Variants in DPP10 observed in about 807,000 individuals in gnomAD.
The protein encoded by DPP10 is inactive dipeptidyl peptidase 10.
A neutral mutation model predicts 120.9 loss-of-function variants in DPP10; 33 were observed. The ratio of observed to expected loss-of-function variants is 0.27; its 90% CI spans 0.21 to 0.37. The LOEUF (loss-of-function observed/expected upper bound fraction) is 0.37, where lower values mean the gene tolerates loss of function less well. Ranked by LOEUF, DPP10 falls within the 10% of genes least tolerant of loss-of-function variation. The pLI, the probability that DPP10 is intolerant of heterozygous loss-of-function variation, is 1.00. For missense variants in DPP10, 816 were observed against 942.8 expected (o/e 0.87, Z 1.76); for synonymous variants, 337 against 326.1 (o/e 1.03, Z -0.36).
intron 1 of DPP10, among the ~76,000 whole-genome samples, chr2:115,122,790 C>T (rs1194591261): frequency 1.3e-5 from 2 of 152,194 alleles, no homozygotes; most frequent in African/African-American, 4.8e-5. Flanking sequence ...AGCCCTACCA[C>T]TCTCAGGAGC....
intron 1 of DPP10, among the ~76,000 whole-genome samples, chr2:115,106,487 T>A (rs1362231073): frequency 1.3e-5 from 2 of 152,142 alleles, no homozygotes; most frequent in Non-Finnish European, 2.9e-5. Context: ...GAGACAGGGG[T>A]CATGCTTCGT....
At chr2:114,626,207 C>T (rs1694499886) in intron 1 of DPP10, among the ~76,000 whole-genome samples, 1 of 151,636 alleles carries the variant, frequency 6.6e-6, no homozygotes, top group African/African-American at 2.4e-5. Flanking sequence ...ATTACCACCA[C>T]CAATATAATT....
intron 1 of DPP10, among the ~76,000 whole-genome samples, chr2:115,065,850 A>G (rs778350477): frequency 1.2e-4 from 18 of 152,176 alleles, no homozygotes; most frequent in Non-Finnish European, 2.5e-4. Flanking sequence ...TGAAACACGC[A>G]TGCCAAAAGA....
intron 2 of DPP10, among the ~76,000 whole-genome samples, chr2:115,332,311 C>G (rs1574456477): frequency 6.6e-6 from 1 of 152,028 alleles, no homozygotes; most frequent in Non-Finnish European, 1.5e-5. Flanking sequence ...TTATTCTTCT[C>G]TCTTTACTTC....
chr2:115,409,517 A>T (rs2068781285), intron 3 of DPP10, among the ~76,000 whole-genome samples: 2 of 152,198 alleles, frequency 1.3e-5, no homozygotes, highest in South Asian at 2.1e-4. Context: ...AATAATAGAC[A>T]TTGGCATAGA....
intron 7 of DPP10, among the ~76,000 whole-genome samples, chr2:115,696,230 C>A (rs1026151195): frequency 2.6e-5 from 4 of 152,048 alleles, no homozygotes; most frequent in African/African-American, 4.8e-5. Context: ...TGATGAAAAT[C>A]ATTAGTATAA....
chr2:115,406,402 A>G (rs2068511016), intron 3 of DPP10, among the ~76,000 whole-genome samples: 1 of 152,162 alleles, frequency 6.6e-6, no homozygotes, highest in Non-Finnish European at 1.5e-5. Flanking sequence ...CCCTCATTAT[A>G]TTATCCTTAA....
chr2:115,559,436 G>T (rs997134310), intron 5 of DPP10, among the ~76,000 whole-genome samples: 1 of 152,046 alleles, frequency 6.6e-6, no homozygotes, highest in African/African-American at 2.4e-5. Context: ...AACAACAGTA[G>T]CTTTCTTAGT....
chr2:114,497,096 T>C (rs917811214), intron 1 of DPP10, among the ~76,000 whole-genome samples: 1 of 148,996 alleles, frequency 6.7e-6, no homozygotes, highest in African/African-American at 2.5e-5. Context: ...TACATGTACA[T>C]GTGTACATGT....
intron 1 of DPP10, among the ~76,000 whole-genome samples, chr2:115,099,059 C>T (rs1288381222): frequency 1.4e-5 from 2 of 147,502 alleles, no homozygotes; most frequent in African/African-American, 2.5e-5. Flanking sequence ...CCAAGGCGGG[C>T]GGATCACTTG....
At chr2:115,132,858 G>A (rs1484324573) in intron 1 of DPP10, among the ~76,000 whole-genome samples, 1 of 151,954 alleles carries the variant, frequency 6.6e-6, no homozygotes, top group East Asian at 1.9e-4. Flanking sequence ...AAAAACTCCT[G>A]TTCCTTTACA....
chr2:114,726,458 A>G (rs1702057957), intron 1 of DPP10, among the ~76,000 whole-genome samples: 1 of 152,200 alleles, frequency 6.6e-6, no homozygotes, highest in Admixed American at 6.5e-5. Context: ...CTTTTGTAGA[A>G]GAAATCCAGG....
At chr2:114,829,596 C>T (rs1484074079) in intron 1 of DPP10, among the ~76,000 whole-genome samples, 2 of 150,518 alleles carry the variant, frequency 1.3e-5, no homozygotes, top group East Asian at 2.0e-4. Context: ...AGGCTGGTCT[C>T]GAATGCCTGA....
intron 1 of DPP10, among the ~76,000 whole-genome samples, chr2:114,727,334 G>A (rs979939530): frequency 1.3e-5 from 2 of 152,082 alleles, no homozygotes; most frequent in Non-Finnish European, 1.5e-5. Context: ...TTTGCAGCTG[G>A]GAACATCAAT....
Position 115,690,017 on chromosome 2 carries a change from C to A in DPP10, c.576+96C>A, listed in dbSNP as rs115467786. 1.5e-3 allele frequency: 1,873 copies of A among 1,251,578 alleles called. 17 individuals are homozygous for A. The African/African-American group carries it at 0.021, about 14-fold the overall frequency. The allele number at this position is 1,251,578 out of a possible 1,614,324, so 77.5% of individuals were successfully genotyped here. A position where few individuals can be genotyped will look rare whatever the true frequency, so the allele number is the denominator to read the frequency against. ...TGGAAAAACCATAGGAAAACTTGTC[C>A]TACAAAACTTTATGTTTCCCTAAGT... On this transcript the variant is annotated intron_variant, in intron 7 of 25. Coordinates refer to ENST00000410059, the MANE Select transcript of DPP10 (RefSeq NM_020868.6).
intron 1 of DPP10, chr2:114,462,263 A>G: frequency 2.1e-6 from 1 of 469,172 alleles, no homozygotes; most frequent in Non-Finnish European, 2.8e-6. Flanking sequence ...ACACTACTAT[A>G]GTACATTTGT....
chr2:115,512,689 T>A (rs183834577), intron 4 of DPP10, among the ~76,000 whole-genome samples: 1 of 152,242 alleles, frequency 6.6e-6, no homozygotes, highest in East Asian at 1.9e-4. Context: ...ATCTATATAT[T>A]TGTGAATTTC....
At chr2:114,734,208 TTTCCTTCC>T (rs1027000193) in intron 1 of DPP10, among the ~76,000 whole-genome samples, 1 of 152,118 alleles carries the variant, frequency 6.6e-6, no homozygotes, top group African/African-American at 2.4e-5. Flanking sequence ...TCCCTTTTGT[TTTCCTTCC>T]TTCCTTCCCA....
At chr2:114,715,952 C>T (rs931921817) in intron 1 of DPP10, among the ~76,000 whole-genome samples, 4 of 151,170 alleles carry the variant, frequency 2.6e-5, no homozygotes, top group African/African-American at 7.3e-5. Context: ...ACCAGATTAC[C>T]AAATAAGTGG....
Sources: allele counts gnomAD v4.1 joint callset (sites outside exome capture counted in the v4.1 genomes callset), GRCh38; gene constraint gnomAD v4.1.1; transcripts MANE v1.5; gene names NCBI Gene and HGNC (gene_info 2026-07-23, HGNC 2026-07-21).